Variants in RNF150 observed in about 807,000 individuals in gnomAD.
The protein encoded by RNF150 is ring finger protein 150.
A neutral mutation model predicts 39.3 loss-of-function variants in RNF150; 24 were observed. The observed-to-expected ratio is 0.61, with a 90% CI of 0.44 to 0.86. The LOEUF (loss-of-function observed/expected upper bound fraction) is 0.86. Among genes scored for constraint, RNF150 ranks in the 40% least tolerant of loss-of-function variants. The pLI, the probability that RNF150 is intolerant of heterozygous loss-of-function variation, is 0.00. For synonymous variants in RNF150, 255 were observed against 227.3 expected (o/e 1.12, Z -1.10); for missense variants, 502 against 587.8 (o/e 0.85, Z 1.51).
intron 1 of RNF150, among the ~76,000 whole-genome samples, chr4:141,052,730 A>T (rs1736824610): frequency 6.6e-6 from 1 of 152,172 alleles, no homozygotes; most frequent in Admixed American, 6.6e-5. Context: ...GACATGAGCC[A>T]ACTGAGATGT....
chr4:140,935,608 T>C (rs1731834832), intron 4 of RNF150, among the ~76,000 whole-genome samples: 1 of 152,204 alleles, frequency 6.6e-6, no homozygotes, highest in South Asian at 2.1e-4. Context: ...TTAAGTGATA[T>C]ATTTTACATA....
chr4:141,082,740 C>T (rs1738207710), intron 1 of RNF150, among the ~76,000 whole-genome samples: 1 of 151,908 alleles, frequency 6.6e-6, no homozygotes, highest in African/African-American at 2.4e-5. Context: ...AGGCGCCCGC[C>T]ACTACGCCCG....
At chr4:141,115,245 A>G (rs1460621404) in intron 1 of RNF150, among the ~76,000 whole-genome samples, 1 of 152,218 alleles carries the variant, frequency 6.6e-6, no homozygotes, top group East Asian at 1.9e-4. Flanking sequence ...AGAAAACCCC[A>G]TCATCTCAGC....
At chr4:141,201,970 G>A (rs1728299082) in intron 1 of RNF150, among the ~76,000 whole-genome samples, 1 of 152,082 alleles carries the variant, frequency 6.6e-6, no homozygotes, top group South Asian at 2.1e-4. Flanking sequence ...TTATAAAAGG[G>A]CTAGTGGGAG....
At chr4:141,106,015 C>A (rs1739183682) in intron 1 of RNF150, among the ~76,000 whole-genome samples, 1 of 152,314 alleles carries the variant, frequency 6.6e-6, no homozygotes, top group East Asian at 1.9e-4. Context: ...CCACACAACC[C>A]ATCTACTTGT....
chr4:140,988,048 T>C (rs572850480), intron 1 of RNF150, among the ~76,000 whole-genome samples: 2 of 152,042 alleles, frequency 1.3e-5, no homozygotes, highest in East Asian at 3.9e-4. Context: ...CAAACCACAA[T>C]GAGATACCAT....
chr4:140,865,875 T>G lies in RNF150; in HGVS notation c.*2386A>C, dbSNP rs71608409. The G allele has an allele frequency of 6.6e-6, 1 of 152,496 alleles. No individual in the cohort carries two copies. Among genetic ancestry groups the G allele is most frequent in the Middle Eastern group, 3.4e-3 (1 of 294 alleles). The allele number at this position is 152,496 out of a possible 1,614,324, so 9.4% of individuals were successfully genotyped here. A position where few individuals can be genotyped will look rare whatever the true frequency, so the allele number is the denominator to read the frequency against. On this transcript the variant is annotated 3_prime_UTR_variant, in exon 7 of 7. Transcript: ENST00000515673. ...AATGGAATATAATTTATATTTCTGTTGCTATTGAATTATCCTTCTAATTCC... is the reference window on the plus strand; with the variant it reads ...AATGGAATATAATTTATATTTCTGTGGCTATTGAATTATCCTTCTAATTCC...
rs1728548594 is a variant in RNF150 at position 140,862,903 on chromosome 4, C to T, written c.*5358G>A. ...ACCAGCTCCCTGATCAGAGATCCTG[C>T]CATCCTCTTTTCTTACTTCCTGCAG... On this transcript the variant is annotated 3_prime_UTR_variant, in exon 7 of 7. Transcript: ENST00000515673. The T allele has an allele frequency of 6.6e-6, 1 of 152,166 alleles. No individual in the cohort carries two copies. The highest frequency in any genetic ancestry group is 1.5e-5 in the Non-Finnish European group (1 of 68,070). 9.4% of individuals were successfully genotyped at this position (152,166 alleles called of 1,614,324 possible). A position where few individuals can be genotyped will look rare whatever the true frequency, so the allele number is the denominator to read the frequency against.
rs532581461 is a variant in RNF150 at position 140,894,225 on chromosome 4, T to A, written c.1198+16919A>T. 1.0e-4 allele frequency among the ~76,000 whole-genome samples: 13 copies of A among 128,866 alleles called. No homozygotes were observed. In the East Asian group the frequency reaches 2.6e-3, roughly 25 times the overall value. 84.5% of individuals were successfully genotyped at this position (128,866 alleles called of 152,430 possible). ...AGAGGAGGGGCAATGTCATCCTAGC[T>A]CAAAATAGGCATTAATAAATCTTAT... On this transcript the variant is annotated intron_variant, in intron 6 of 6. Transcript: ENST00000515673.
chr4:141,030,462 C>T (rs1370610424), intron 1 of RNF150, among the ~76,000 whole-genome samples: 1 of 151,888 alleles, frequency 6.6e-6, no homozygotes, highest in Non-Finnish European at 1.5e-5. Flanking sequence ...GGGTATACAC[C>T]CCAAAGTACT....
intron 1 of RNF150, among the ~76,000 whole-genome samples, chr4:141,022,225 A>G (rs11944954): frequency 7.3e-5 from 11 of 151,090 alleles, no homozygotes; most frequent in Non-Finnish European, 1.6e-4. Context: ...TTTATTTTTT[A>G]TTCTTTTTTC....
At chr4:141,191,276 G>A (rs145383787) in intron 1 of RNF150, among the ~76,000 whole-genome samples, 1 of 152,300 alleles carries the variant, frequency 6.6e-6, no homozygotes, top group Non-Finnish European at 1.5e-5. Flanking sequence ...ACTTGGGCTA[G>A]GCCTCAAGTA....
rs1288423183 is a variant in RNF150 at position 141,158,458 on chromosome 4, CTTTCA to C, written c.-6+54331_-6+54335del. On this transcript the variant is annotated intron_variant, in intron 1 of 7. Transcript: ENST00000420921. ...TTTCACAAAAGGAGAACTTGTCACT[CTTTCA>C]AAAAAAAAAAAAGCCTAATCCTATT... Among the ~76,000 whole-genome samples the C allele has an allele frequency of 2.0e-3, 37 of 18,554 alleles. No individual in the cohort carries two copies. The East Asian group carries it at 0.068, about 34-fold the overall frequency. 12.2% of individuals were successfully genotyped at this position (18,554 alleles called of 152,430 possible).
intron 1 of RNF150, among the ~76,000 whole-genome samples, chr4:141,166,257 T>C (rs1019919832): frequency 5.3e-5 from 8 of 152,150 alleles, no homozygotes; most frequent in African/African-American, 1.9e-4. Flanking sequence ...CAGGGAGAAG[T>C]TGAATCCCTG....
chr4:141,099,836 T>C (rs191796687), intron 1 of RNF150, among the ~76,000 whole-genome samples: 62 of 152,210 alleles, frequency 4.1e-4, no homozygotes, highest in East Asian at 3.9e-4. Flanking sequence ...AATACAGTAT[T>C]GAGCCATACA....
chr4:141,089,210 C>T (rs1276861840), intron 1 of RNF150, among the ~76,000 whole-genome samples: 1 of 152,094 alleles, frequency 6.6e-6, no homozygotes, highest in Non-Finnish European at 1.5e-5. Flanking sequence ...GTAATGAGCT[C>T]TTCCACCATG....
intron 6 of RNF150, among the ~76,000 whole-genome samples, chr4:140,890,613 G>A (rs957515811): frequency 1.3e-5 from 2 of 152,170 alleles, no homozygotes; most frequent in South Asian, 4.1e-4. Context: ...TCACCACTGA[G>A]GACACAGAGA....
intron 1 of RNF150, among the ~76,000 whole-genome samples, chr4:141,165,137 G>A (rs943594961): frequency 2.6e-5 from 4 of 151,986 alleles, no homozygotes; most frequent in African/African-American, 9.7e-5. Context: ...AAAACAGCAG[G>A]GGTTGCAATC....
intron 1 of RNF150, among the ~76,000 whole-genome samples, chr4:141,001,173 T>C (rs1385931982): frequency 1.3e-5 from 2 of 152,198 alleles, no homozygotes; most frequent in Admixed American, 1.3e-4. Flanking sequence ...TGCCTATCGT[T>C]GTAAAAATAC....
Sources: allele counts gnomAD v4.1 joint callset (sites outside exome capture counted in the v4.1 genomes callset), GRCh38; gene constraint gnomAD v4.1.1; transcripts MANE v1.5; gene names NCBI Gene and HGNC (gene_info 2026-07-23, HGNC 2026-07-21).